The following BRINP3 variants were observed in gnomAD, a reference collection of about 807,000 sequenced individuals.
BRINP3 encodes the protein BMP/retinoic acid-inducible neural-specific protein 3.
Under a neutral mutation model 71.0 loss-of-function variants are expected in BRINP3, and 19 were observed. That is an observed-to-expected ratio of 0.27 (90% CI 0.19 to 0.39). The LOEUF (loss-of-function observed/expected upper bound fraction) is 0.39. BRINP3 is among the 10% of genes least tolerant of loss of function. BRINP3 has a pLI of 1.00. For missense variants in BRINP3, 959 were observed against 940.8 expected (o/e 1.02, Z -0.25); for synonymous variants, 380 against 337.7 (o/e 1.13, Z -1.37).
chr1:190,152,233 A>T (rs968261470), intron 7 of BRINP3, among the ~76,000 whole-genome samples: 1 of 151,982 alleles, frequency 6.6e-6, no homozygotes, highest in East Asian at 1.9e-4. Flanking sequence ...GATATAGAAT[A>T]TTTTTGGTCC....
At chr1:190,127,236 T>A (rs1158015642) in intron 7 of BRINP3, among the ~76,000 whole-genome samples, 2 of 151,838 alleles carry the variant, frequency 1.3e-5, no homozygotes, top group Non-Finnish European at 2.9e-5. Context: ...CTATTCCAAA[T>A]TTTATCTTTG....
At chr1:190,114,590 C>T (rs1434788317) in intron 7 of BRINP3, among the ~76,000 whole-genome samples, 5 of 150,776 alleles carry the variant, frequency 3.3e-5, no homozygotes, top group Non-Finnish European at 7.4e-5. Context: ...CTACTGGTCT[C>T]TTCTAAATAC....
intron 4 of BRINP3, among the ~76,000 whole-genome samples, chr1:190,241,868 A>G (rs1242272516): frequency 6.6e-6 from 1 of 151,668 alleles, no homozygotes; most frequent in Non-Finnish European, 1.5e-5. Flanking sequence ...TTGATGTTAA[A>G]AAATAAGAAA....
chr1:190,299,047 A>G (rs1166834969), intron 2 of BRINP3, among the ~76,000 whole-genome samples: 3 of 152,190 alleles, frequency 2.0e-5, no homozygotes, highest in Admixed American at 2.0e-4. Flanking sequence ...CTTTATCATT[A>G]TAGTAAGTGA....
At chr1:190,325,915 T>C (rs1666550947) in intron 2 of BRINP3, among the ~76,000 whole-genome samples, 1 of 152,140 alleles carries the variant, frequency 6.6e-6, no homozygotes, top group South Asian at 2.1e-4. Flanking sequence ...AACTGTTTTA[T>C]AAAATTCACC....
At chr1:190,258,346 C>T (rs115881067) in intron 4 of BRINP3, among the ~76,000 whole-genome samples, 2,286 of 152,110 alleles carry the variant, frequency 0.015, 73 homozygotes, top group African/African-American at 0.051. Flanking sequence ...CCTGGAAAAA[C>T]GGGACACTCC....
intron 5 of BRINP3, among the ~76,000 whole-genome samples, chr1:190,228,401 A>C (rs1354024813): frequency 1.3e-5 from 2 of 151,408 alleles, no homozygotes; most frequent in East Asian, 3.9e-4. Context: ...AAACCAAAGA[A>C]CTCGCGTACC....
At chr1:190,191,282 T>G (rs1654012228) in intron 6 of BRINP3, among the ~76,000 whole-genome samples, 1 of 152,152 alleles carries the variant, frequency 6.6e-6, no homozygotes, top group Non-Finnish European at 1.5e-5. Context: ...ACAGGCATTT[T>G]TTTTATTGCT....
chr1:190,226,784 A>T (rs1657423019), intron 5 of BRINP3, among the ~76,000 whole-genome samples: 1 of 152,008 alleles, frequency 6.6e-6, no homozygotes, highest in Admixed American at 6.6e-5. Flanking sequence ...ATACATATTG[A>T]ATGTTGATGG....
chr1:190,113,137 T>C (rs1438441442), intron 7 of BRINP3, among the ~76,000 whole-genome samples: 1 of 152,128 alleles, frequency 6.6e-6, no homozygotes, highest in Admixed American at 6.6e-5. Flanking sequence ...TTAAATATTT[T>C]AAGATAATAA....
Position 190,247,347 on chromosome 1 carries a change from G to A in BRINP3, c.619-12870C>T, listed in dbSNP as rs1431995883. Among the ~76,000 whole-genome samples the A allele has an allele frequency of 2.0e-5, 3 of 151,842 alleles. No homozygotes were observed. In the Admixed American group the frequency reaches 2.0e-4, roughly 10 times the overall value. ...ATATGCATTTTTGTTTTAGAAAAAG[G>A]AAGCAGACTCCAAAGTGTAATTTTT... On this transcript the variant is annotated intron_variant, in intron 4 of 7. Coordinates refer to ENST00000367462, the MANE Select transcript of BRINP3 (RefSeq NM_199051.3).
At chr1:190,287,344 A>AAGCT (rs1663511655) in intron 2 of BRINP3, among the ~76,000 whole-genome samples, 1 of 152,202 alleles carries the variant, frequency 6.6e-6, no homozygotes, top group Non-Finnish European at 1.5e-5. Context: ...TGTACCACTG[A>AAGCT]AGCTAGTGTT....
At chr1:190,373,242 T>C (rs756051236) in intron 2 of BRINP3, among the ~76,000 whole-genome samples, 3 of 151,768 alleles carry the variant, frequency 2.0e-5, no homozygotes, top group Non-Finnish European at 4.4e-5. Flanking sequence ...ATACAAAAAT[T>C]AGCCAGGCGT....
intron 7 of BRINP3, among the ~76,000 whole-genome samples, chr1:190,132,781 T>C (rs1419991441): frequency 6.6e-6 from 1 of 152,108 alleles, no homozygotes; most frequent in East Asian, 1.9e-4. Flanking sequence ...AAGATTTGCA[T>C]CTCACAGATA....
chr1:190,387,125 A>T (rs983465996), intron 2 of BRINP3, among the ~76,000 whole-genome samples: 3 of 152,100 alleles, frequency 2.0e-5, no homozygotes, highest in Middle Eastern at 3.4e-3. Context: ...TTTGGCAGAC[A>T]TCTAGTCAGA....
intron 2 of BRINP3, among the ~76,000 whole-genome samples, chr1:190,360,235 T>C (rs1669049152): frequency 6.6e-6 from 1 of 152,218 alleles, no homozygotes; most frequent in African/African-American, 2.4e-5. Context: ...TGACACTTTA[T>C]TTAAACCACT....
intron 2 of BRINP3, among the ~76,000 whole-genome samples, chr1:190,378,220 A>C (rs563643404): frequency 2.0e-4 from 30 of 152,202 alleles, no homozygotes; most frequent in Non-Finnish European, 3.7e-4. Context: ...TTCTGGCCAG[A>C]GTCTCAACAG....
intron 6 of BRINP3, among the ~76,000 whole-genome samples, chr1:190,209,652 A>G (rs1254610523): frequency 6.6e-6 from 1 of 152,142 alleles, no homozygotes; most frequent in Non-Finnish European, 1.5e-5. Flanking sequence ...TCAGTACTTT[A>G]AATCTTTAAA....
Position 190,463,666 on chromosome 1 carries a change from T to C in BRINP3, c.-50-8726A>G, listed in dbSNP as rs571966127. ...TCTATATATTCTGTAGTCAGATTAG[T>C]AAAAGAATGAGAGCCTCATTATTCA... On this transcript the variant is annotated intron_variant, in intron 1 of 7. Coordinates refer to ENST00000367462, the MANE Select transcript of BRINP3 (RefSeq NM_199051.3). 5.3e-5 allele frequency among the ~76,000 whole-genome samples: 8 copies of C among 152,040 alleles called. No individual in the cohort carries two copies. In the East Asian group the frequency reaches 1.2e-3, roughly 22 times the overall value.
Sources: gnomAD v4.1 joint callset for allele counts (sites outside exome capture counted in the v4.1 genomes callset) on GRCh38, gnomAD v4.1.1 for gene constraint, MANE v1.5 for transcripts, NCBI Gene and HGNC (gene_info 2026-07-23, HGNC 2026-07-21) for gene names.